RASIP1: variants seen among roughly 807,000 people sequenced by gnomAD.
RASIP1 encodes ras-interacting protein 1.
Under a neutral mutation model 85.3 loss-of-function variants are expected in RASIP1, and 20 were observed. That is an observed-to-expected ratio of 0.23 (90% confidence interval 0.17 to 0.34). The LOEUF is 0.34. RASIP1 is among the 10% of genes least tolerant of loss of function. RASIP1 has a pLI of 1.00. For synonymous variants in RASIP1, 617 were observed against 647.1 expected, an observed-to-expected ratio of 0.95 and a Z score of 0.71; for missense variants, 1,170 against 1,390.9, an observed-to-expected ratio of 0.84 and a Z score of 2.53.
At position 48,735,450 on chromosome 19, in the gene RASIP1, G is replaced by T. The variant is rs1409857667; in HGVS notation, c.925C>A (p.Pro309Thr). 1 of 1,597,196 alleles carries T rather than the reference G, an allele frequency of 6.3e-7. No individual in the cohort carries two copies. The highest frequency in any genetic ancestry group is 8.5e-7 in the Non-Finnish European group (1 of 1,172,452). The change falls in exon 4 of 12, where the codon CCA becomes ACA. Residue 309 changes from proline (P) to threonine (T), a missense_variant. Coordinates refer to ENST00000222145, the MANE Select transcript of RASIP1 (RefSeq NM_017805.3). Reference sequence around the variant, plus strand: ...CGCTCCTTGCCTCCAGACCCAGCTGGGGCCCCTGATCCGGTCCCCGGGCCA... The same window carrying T: ...CGCTCCTTGCCTCCAGACCCAGCTGTGGCCCCTGATCCGGTCCCCGGGCCA... ...SPGPGTGSGA[P>T]AGSGGKERSE...
In RASIP1 at chr19:48,729,048, C is replaced by T. The variant is rs759416990; in HGVS notation, c.1722G>A (p.Gly574=). 2 of 1,399,524 alleles carry T rather than the reference C, an allele frequency of 1.4e-6. No individual in the cohort carries two copies. The highest frequency in any genetic ancestry group is 1.8e-6 in the Non-Finnish European group (2 of 1,086,452). 86.7% of individuals were successfully genotyped at this position (1,399,524 alleles called of 1,614,324 possible). ...AAGSGDLPPL[G]PATLLALCVQ... is the part of the protein sequence containing the mutation. Reference sequence around the variant, plus strand: ...CGCACAGCGCCAGCAGCGTGGCGGGCCCGAGGGGCGGCAGGTCTCCCGAGC... The same window carrying T: ...CGCACAGCGCCAGCAGCGTGGCGGGTCCGAGGGGCGGCAGGTCTCCCGAGC... Residue 574 remains glycine, a synonymous_variant, in exon 5 of 12, where the codon GGG becomes GGA. Transcript: ENST00000222145.
At chr19:48,734,467 C>T (rs563018231) in intron 4 of RASIP1, among the ~76,000 whole-genome samples, 2 of 144,434 alleles carry the variant, frequency 1.4e-5, no homozygotes, top group South Asian at 4.6e-4. Flanking sequence ...GTGCACACCA[C>T]CACGCCCGGC....
chr19:48,720,866 A>G lies in RASIP1; in HGVS notation c.2824T>C (p.Trp942Arg). Residue 942 changes from tryptophan to arginine, a missense_variant, in exon 12 of 12, where the codon TGG becomes CGG. Transcript: ENST00000222145. ...GGCAGCTCCTGCTGCTCAAGATCCC[A>G]GAGGAGGCGGCGGAGCCTACGGAGT... ...RELRRLRRLL[W>R]DLEQQELPAN... The G allele has an allele frequency of 6.2e-7, 1 of 1,614,074 alleles. No homozygotes were observed. Among genetic ancestry groups the G allele is most frequent in the Non-Finnish European group, 8.5e-7 (1 of 1,180,010 alleles).
At chr19:48,728,614 A>G (rs1420405026) in intron 5 of RASIP1, among the ~76,000 whole-genome samples, 1 of 152,158 alleles carries the variant, frequency 6.6e-6, no homozygotes, top group Non-Finnish European at 1.5e-5. Context: ...AATACAAAAA[A>G]TTAGCCGGGC....
At position 48,739,423 on chromosome 19, in the gene RASIP1, G is replaced by T. The variant is rs948968446; in HGVS notation, c.360C>A (p.Ser120Arg). 2.1e-6 allele frequency: 3 copies of T among 1,407,914 alleles called. No homozygotes were observed. The highest frequency in any genetic ancestry group is 3.0e-5 in the African/African-American group (2 of 66,036). The allele number at this position is 1,407,914 out of a possible 1,614,324, so 87.2% of individuals were successfully genotyped here. A position where few individuals can be genotyped will look rare whatever the true frequency, so the allele number is the denominator to read the frequency against. The change falls in exon 3 of 12, where the codon AGC becomes AGA. Residue 120 changes from serine (S) to arginine (R), a missense_variant. Coordinates refer to ENST00000222145, the MANE Select transcript of RASIP1 (RefSeq NM_017805.3). The surrounding 1 kb of genome is among the most constrained non-coding windows in gnomAD (Gnocchi z 9.2). ...CCGCCAGCTCCGGCAGCTTCTTCTC[G>T]CTGGCCCAGCGCTGCGCGCCCCCCG... is the stretch of plus-strand genomic sequence containing the variant. ...GTPGGAQRWA[S>R]EKKLPELAAG...
chr19:48,720,808 G>A lies in RASIP1; in HGVS notation c.2882C>T (p.Thr961Met), dbSNP rs1223512677. ...GTTTGGTATTGGTTCTCAAGGAGAC[G>A]TGGCCACGGGAGGCCCATGGCGATA... ...ANYRHGPPVA[T>M]SP is the part of the protein sequence containing the mutation. Residue 961 changes from threonine (T) to methionine (M), a missense_variant, in exon 12 of 12, where the codon ACG (threonine) becomes ATG (methionine). Around this residue, in one of 4 missense-constraint regions of RASIP1, gnomAD observed 144 missense variants for 125.5 expected, o/e 1.15. Transcript: ENST00000222145. 1.9e-6 allele frequency: 3 copies of A among 1,614,064 alleles called. No individual in the cohort carries two copies. In the South Asian group the frequency reaches 3.3e-5, roughly 18 times the overall value.
intron 4 of RASIP1, among the ~76,000 whole-genome samples, chr19:48,733,657 T>C (rs59626532): frequency 6.6e-6 from 1 of 151,926 alleles, no homozygotes; most frequent in African/African-American, 2.4e-5. Flanking sequence ...AAATGCAAAA[T>C]TTAGCTGGGC....
At chr19:48,736,242 C>T (rs1365063605) in intron 3 of RASIP1, among the ~76,000 whole-genome samples, 1 of 151,612 alleles carries the variant, frequency 6.6e-6, no homozygotes, top group African/African-American at 2.4e-5. Context: ...GGTGAAACCC[C>T]GTCTCTACTA....
chr19:48,735,614 A>C lies in RASIP1; in HGVS notation c.824-63T>G, dbSNP rs1024177975. ...AAGACAGGGATAGACACAGAGCTGC[A>C]GATTATGAGACAAAGAACTGGTTGC... On this transcript the variant is annotated intron_variant, in intron 3 of 11. Transcript: ENST00000222145. 44 of 1,409,084 alleles carry C rather than the reference A, an allele frequency of 3.1e-5. 2 individuals are homozygous for C. In the Admixed American group the frequency reaches 1.0e-3, roughly 32 times the overall value. The allele number at this position is 1,409,084 out of a possible 1,614,324, so 87.3% of individuals were successfully genotyped here. A position where few individuals can be genotyped will look rare whatever the true frequency, so the allele number is the denominator to read the frequency against.
At chr19:48,725,461 T>TA (rs1356659707) in intron 8 of RASIP1, 2 of 156,708 alleles carry the variant, frequency 1.3e-5, no homozygotes, top group Non-Finnish European at 2.8e-5. Context: ...TAGAGGAACT[T>TA]AGAGACTGAT....
At chr19:48,737,914 TTC>T in intron 3 of RASIP1, 1 of 985,414 alleles carries the variant, frequency 1.0e-6, no homozygotes, top group South Asian at 4.7e-5. Context: ...CAATTCCTTT[TTC>T]TTTTTCTGGA....
intron 5 of RASIP1, 144 bp downstream of exon 5, chr19:48,728,793 A>AAAT: frequency 1.4e-6 from 1 of 702,594 alleles, no homozygotes; most frequent in South Asian, 3.8e-5. Context: ...AACAAACAAA[A>AAAT]CCCAAAACCC....
rs1391926847 is a variant in RASIP1, at chr19:48,729,544, C to A, written c.1226G>T (p.Arg409Leu). The A allele has an allele frequency of 1.2e-6, 2 of 1,602,550 alleles. No homozygotes were observed. ...VMTREQHVFGRGGNSSGRGGS... is the reference protein window; with the variant it reads ...VMTREQHVFGLGGNSSGRGGS... ...CCCGCGGCCAGACGAGTTCCCACCT[C>A]GCCCAAACACGTGCTGCTCTCGCGT... The change falls in exon 5 of 12, where the codon CGA becomes CTA. Residue 409 changes from arginine (R) to leucine (L), a missense_variant. Transcript: ENST00000222145.
At position 48,724,946 on chromosome 19, in the gene RASIP1, C is replaced by T. The variant is rs148024901; in HGVS notation, c.2142G>A (p.Thr714=). 2.1e-5 allele frequency: 34 copies of T among 1,611,776 alleles called. No homozygotes were observed. The African/African-American group carries it at 2.7e-4, about 13-fold the overall frequency. ...VYYLTKTLYS[T]LPALLDSNPF... ...GGTTACTATCCAGGAGAGCAGGCAG[C>T]GTTGAATAGAGAGTCTGAGAAAATA... The change falls in exon 9 of 12, where the codon ACG becomes ACA. Residue 714 remains threonine (T), a synonymous_variant. Coordinates refer to ENST00000222145, the MANE Select transcript of RASIP1 (RefSeq NM_017805.3). This position sits in a 1 kb window ranked among gnomAD's most constrained non-coding sequence, Gnocchi z 4.6.
In RASIP1 at chr19:48,738,923, A is replaced by G. The variant is rs914803755; in HGVS notation, c.823+37T>C. ...GCCCCACGGACCCCGCCTCTCTGGC[A>G]CCGAGTCCCCGCCCCAGAGCCCCGC... On this transcript the variant is annotated intron_variant, in intron 3 of 11. Coordinates refer to ENST00000222145, the MANE Select transcript of RASIP1 (RefSeq NM_017805.3). This position sits in a 1 kb window ranked among gnomAD's most constrained non-coding sequence, Gnocchi z 4.0. 7.4e-6 allele frequency: 6 copies of G among 806,306 alleles called. No homozygotes were observed. The highest frequency in any genetic ancestry group is 8.8e-6 in the Non-Finnish European group (6 of 683,570). 49.9% of individuals were successfully genotyped at this position (806,306 alleles called of 1,614,324 possible).
chr19:48,737,735 T>A (rs953603837), intron 3 of RASIP1: 2 of 984,402 alleles, frequency 2.0e-6, no homozygotes, highest in African/African-American at 3.5e-5. Flanking sequence ...AGACCCATGC[T>A]CACCACATGC....
At chr19:48,732,030 G>T (rs1317948957) in intron 4 of RASIP1, among the ~76,000 whole-genome samples, 1 of 151,352 alleles carries the variant, frequency 6.6e-6, no homozygotes, top group Non-Finnish European at 1.5e-5. Flanking sequence ...TCCAAGGAAT[G>T]AACAATTCAA....
Position 48,721,910 on chromosome 19 carries a change from C to T in RASIP1, c.2636G>A (p.Arg879His), listed in dbSNP as rs369508351. 8.7e-6 allele frequency: 14 copies of T among 1,603,218 alleles called. No individual in the cohort carries two copies. Among genetic ancestry groups the T allele is most frequent in the Middle Eastern group, 1.7e-4 (1 of 5,898 alleles). ...LLSHYQLGPG[R>H]GPPAAWDPPP... ...AGGGTCCCACGCGGCTGGCGGCCCG[C>T]GGCCAGGGCCCAGCTGATAGTGGCT... The change falls in exon 11 of 12, where the codon CGC (arginine) becomes CAC (histidine). Residue 879 changes from arginine to histidine, a missense_variant. This residue lies in a region of RASIP1 where 144 missense variants were observed against 125.5 expected (regional missense o/e 1.15). Coordinates refer to ENST00000222145, the MANE Select transcript of RASIP1 (RefSeq NM_017805.3).
At position 48,738,770 on chromosome 19, in the gene RASIP1, T is replaced by G; in HGVS notation, c.823+190A>C. ...CACCCAACTCTCAGGCCCGCCCATC[T>G]GGCCGCCCCCGGCCCTGCTCTAGCT... On this transcript the variant is annotated intron_variant, in intron 3 of 11. Transcript: ENST00000222145. This position sits in a 1 kb window ranked among gnomAD's most constrained non-coding sequence, Gnocchi z 4.0. The G allele has an allele frequency of 1.4e-6, 1 of 708,950 alleles. No homozygotes were observed. The allele number at this position is 708,950 out of a possible 1,614,324, so 43.9% of individuals were successfully genotyped here.
Sources: allele counts gnomAD v4.1 joint callset (sites outside exome capture counted in the v4.1 genomes callset), GRCh38; gene constraint gnomAD v4.1.1; regional missense constraint gnomAD v4.1.1; non-coding constraint Gnocchi (gnomAD v3.1); transcripts MANE v1.5; gene names NCBI Gene and HGNC (gene_info 2026-07-23, HGNC 2026-07-21).